Variants in MMP16 observed in about 807,000 individuals in gnomAD.
MMP16 encodes the protein matrix metalloproteinase-16.
Under a neutral mutation model 67.8 loss-of-function variants are expected in MMP16, and 12 were observed. The ratio of observed to expected loss-of-function variants is 0.18; its 90% CI spans 0.11 to 0.29. The LOEUF (loss-of-function observed/expected upper bound fraction) is 0.29, where lower values mean the gene tolerates loss of function less well. MMP16 is among the 10% of genes least tolerant of loss of function. The pLI is 1.00. For missense variants in MMP16, 475 were observed against 765.7 expected (o/e 0.62, Z 4.48); for synonymous variants, 249 against 255.9 (o/e 0.97, Z 0.26).
At chr8:88,103,899 T>G (rs28906375) in intron 6 of MMP16, among the ~76,000 whole-genome samples, 1 of 151,798 alleles carries the variant, frequency 6.6e-6, no homozygotes, top group Admixed American at 6.6e-5. Flanking sequence ...TTGAGATTAA[T>G]GCACAGTGGG....
intron 2 of MMP16, 129 bp downstream of exon 2, chr8:88,197,029 T>C (rs1018281641): frequency 2.2e-5 from 19 of 856,842 alleles, no homozygotes; most frequent in Non-Finnish European, 3.3e-5. Flanking sequence ...AATTAGGTTA[T>C]ATAATTCCAA....
At position 88,117,530 on chromosome 8, in the gene MMP16, A is replaced by T. The variant is rs28907637; in HGVS notation, c.872-812T>A. ...TAGACTACTAATTCATGAGGTCATG[A>T]GAAAGAGACTTCTTTCAGTGAACCA... On this transcript the variant is annotated intron_variant, in intron 5 of 9. Transcript: ENST00000286614. Among the ~76,000 whole-genome samples, 1,187 of 152,200 alleles carry T rather than the reference A, an allele frequency of 7.8e-3. 17 individuals carry two copies. Among genetic ancestry groups the T allele is most frequent in the Middle Eastern group, 0.065 (19 of 292 alleles).
intron 6 of MMP16, among the ~76,000 whole-genome samples, chr8:88,097,038 C>T (rs1446532175): frequency 1.3e-5 from 2 of 151,852 alleles, no homozygotes; most frequent in African/African-American, 4.8e-5. Context: ...TTTAGTTCTA[C>T]CTCTGCACAT....
intron 3 of MMP16, among the ~76,000 whole-genome samples, chr8:88,174,517 T>G (rs1478597172): frequency 2.6e-5 from 4 of 152,186 alleles, no homozygotes; most frequent in African/African-American, 9.7e-5. Flanking sequence ...AGTCTCTAAT[T>G]TAACCTAAGT....
chr8:88,167,311 T>C (rs991329326), intron 4 of MMP16, among the ~76,000 whole-genome samples: 5 of 152,000 alleles, frequency 3.3e-5, no homozygotes, highest in Non-Finnish European at 7.4e-5. Context: ...AGTAGAAACA[T>C]TGGGATAAGA....
intron 1 of MMP16, among the ~76,000 whole-genome samples, chr8:88,237,148 T>C (rs1809954540): frequency 6.6e-6 from 1 of 152,182 alleles, no homozygotes; most frequent in African/African-American, 2.4e-5. Context: ...ACCCCTGCAC[T>C]GATAAGACCA....
intron 4 of MMP16, among the ~76,000 whole-genome samples, chr8:88,159,330 C>T (rs548436378): frequency 1.3e-5 from 2 of 152,276 alleles, no homozygotes; most frequent in East Asian, 1.9e-4. Context: ...TTTGTGTCCT[C>T]TTCTATTTCC....
chr8:88,069,585 A>C, intron 7 of MMP16: 1 of 455,878 alleles, frequency 2.2e-6, no homozygotes, highest in South Asian at 1.8e-5. Flanking sequence ...TTCAGTGAAA[A>C]ATTTAGGCAG....
At chr8:88,230,999 T>C (rs532139770) in intron 1 of MMP16, among the ~76,000 whole-genome samples, 1 of 152,146 alleles carries the variant, frequency 6.6e-6, no homozygotes, top group African/African-American at 2.4e-5. Flanking sequence ...GTATTCTTAT[T>C]GGTAAAATAG....
At chr8:88,148,629 T>C (rs970772097) in intron 4 of MMP16, among the ~76,000 whole-genome samples, 17 of 152,224 alleles carry the variant, frequency 1.1e-4, no homozygotes, top group Admixed American at 9.2e-4. Context: ...CTCAAAACTC[T>C]AGTTTTAGCT....
chr8:88,050,893 G>T (rs1159235002), intron 8 of MMP16, among the ~76,000 whole-genome samples: 1 of 152,114 alleles, frequency 6.6e-6, no homozygotes, highest in Non-Finnish European at 1.5e-5. Context: ...GATTCAGAGA[G>T]ATCTCATTTC....
At chr8:88,309,261 T>C (rs747533926) in intron 1 of MMP16, among the ~76,000 whole-genome samples, 2 of 152,082 alleles carry the variant, frequency 1.3e-5, no homozygotes, top group Non-Finnish European at 2.9e-5. Context: ...AATGGTTAAA[T>C]AAATTACAAG....
intron 4 of MMP16, among the ~76,000 whole-genome samples, chr8:88,157,185 CA>C (rs1294394804): frequency 2.0e-5 from 3 of 151,576 alleles, no homozygotes; most frequent in Admixed American, 1.3e-4. Context: ...AATATTTGAA[CA>C]AAAAAAATAC....
intron 6 of MMP16, among the ~76,000 whole-genome samples, chr8:88,102,813 T>C (rs4961076): frequency 0.092 from 13,930 of 151,890 alleles, 883 homozygotes; most frequent in East Asian, 0.17. Flanking sequence ...TATAATACCA[T>C]AGTCCACTTG....
intron 6 of MMP16, among the ~76,000 whole-genome samples, chr8:88,106,229 T>C (rs1354089106): frequency 6.6e-6 from 1 of 151,194 alleles, no homozygotes; most frequent in Non-Finnish European, 1.5e-5. Flanking sequence ...AGTGTGTATC[T>C]GGGTATACAT....
intron 1 of MMP16, among the ~76,000 whole-genome samples, chr8:88,263,476 C>T (rs1174077123): frequency 6.6e-6 from 1 of 152,142 alleles, no homozygotes; most frequent in Non-Finnish European, 1.5e-5. Flanking sequence ...ACAAATATCA[C>T]AGACTGGGTG....
rs1004184258 is a variant in MMP16, at chr8:88,034,253, A to G, written c.*7208T>C. 5 of 151,698 alleles carry G rather than the reference A, an allele frequency of 3.3e-5. No individual in the cohort carries two copies. Among genetic ancestry groups the G allele is most frequent in the African/African-American group, 2.4e-5 (1 of 41,268 alleles). The allele number at this position is 151,698 out of a possible 1,614,324, so 9.4% of individuals were successfully genotyped here. ...CAAATCTGTGTAAAAAAAAAAAAAA[A>G]AGGCAAGATAGGAATAGAAAGAAAT... On this transcript the variant is annotated 3_prime_UTR_variant, in exon 10 of 10. Transcript: ENST00000286614.
intron 3 of MMP16, among the ~76,000 whole-genome samples, chr8:88,182,110 T>C (rs1777870690): frequency 6.6e-6 from 1 of 151,988 alleles, no homozygotes; most frequent in Non-Finnish European, 1.5e-5. Context: ...ATTTTTAACA[T>C]ACAACGCCAA....
intron 6 of MMP16, among the ~76,000 whole-genome samples, chr8:88,077,204 A>C (rs1400764835): frequency 1.3e-5 from 2 of 152,204 alleles, no homozygotes; most frequent in African/African-American, 2.4e-5. Flanking sequence ...CCTCTATTCA[A>C]CTTATCCTCA....
Sources: gnomAD v4.1 joint callset for allele counts (sites outside exome capture counted in the v4.1 genomes callset) on GRCh38, gnomAD v4.1.1 for gene constraint, MANE v1.5 for transcripts, NCBI Gene and HGNC (gene_info 2026-07-23, HGNC 2026-07-21) for gene names.